DLGAP2: variants seen among roughly 807,000 people sequenced by gnomAD.
DLGAP2 encodes DLG associated protein 2, also known as disks large-associated protein 2.
DLGAP2 carries 26 observed loss-of-function variants against 100.3 expected under a neutral mutation model. That is an observed-to-expected ratio of 0.26 (90% CI 0.19 to 0.36). The LOEUF is 0.36. Among genes scored for constraint, DLGAP2 ranks in the 10% least tolerant of loss-of-function variants. DLGAP2 has a pLI of 1.00. For synonymous variants in DLGAP2, 886 were observed against 630.1 expected (o/e 1.41, Z -6.08); for missense variants, 1,858 against 1,453.2 (o/e 1.28, Z -4.53).
intron 2 of DLGAP2, among the ~76,000 whole-genome samples, chr8:1,164,959 C>G (rs1471733595): frequency 6.6e-6 from 1 of 151,962 alleles, no homozygotes; most frequent in Non-Finnish European, 1.5e-5. Context: ...CTGTAGAAAC[C>G]CAAATTATCT....
At chr8:1,684,459 G>C (rs1041770008) in intron 12 of DLGAP2, among the ~76,000 whole-genome samples, 3 of 151,998 alleles carry the variant, frequency 2.0e-5, no homozygotes, top group African/African-American at 7.3e-5. Flanking sequence ...TTAAAATAAA[G>C]ATTAAATTAA....
intron 2 of DLGAP2, among the ~76,000 whole-genome samples, chr8:1,224,930 G>A (rs777316087): frequency 3.3e-5 from 5 of 152,310 alleles, no homozygotes; most frequent in African/African-American, 4.8e-5. Flanking sequence ...AAAATTAATC[G>A]GAAGCAAAGT....
rs137980956 is a variant in DLGAP2 at position 1,553,076 on chromosome 8, G to C, written c.1230+3393G>C. Reference sequence around the variant, plus strand: ...TCCCAGGGACGTGCAGGGAGGGAGAGACGCCGCCTCCCCGGGAAGGCTCCT... The same window carrying C: ...TCCCAGGGACGTGCAGGGAGGGAGACACGCCGCCTCCCCGGGAAGGCTCCT... On this transcript the variant is annotated intron_variant, in intron 5 of 14. Coordinates refer to ENST00000637795, the MANE Select transcript of DLGAP2 (RefSeq NM_001346810.2). Among the ~76,000 whole-genome samples, 1,044 of 152,232 alleles carry C rather than the reference G, an allele frequency of 6.9e-3. 2 individuals carry two copies. The highest frequency in any genetic ancestry group is 0.012 in the Non-Finnish European group (795 of 68,006).
At chr8:1,637,748 C>T (rs1797802151) in intron 8 of DLGAP2, among the ~76,000 whole-genome samples, 1 of 152,234 alleles carries the variant, frequency 6.6e-6, no homozygotes, top group Admixed American at 6.5e-5. Context: ...GCACTGAAGT[C>T]CTGAGCATTG....
chr8:847,038 A>T (rs1040659848), intron 1 of DLGAP2, among the ~76,000 whole-genome samples: 10 of 152,210 alleles, frequency 6.6e-5, no homozygotes, highest in African/African-American at 2.4e-4. Flanking sequence ...ACTGTGGAAT[A>T]GTTTTTGTAC....
intron 3 of DLGAP2, among the ~76,000 whole-genome samples, chr8:1,322,527 A>C (rs1270239276): frequency 1.3e-5 from 2 of 151,624 alleles, no homozygotes; most frequent in East Asian, 3.9e-4. Flanking sequence ...GTGGAAATGC[A>C]TGCACCCACC....
chr8:1,333,576 C>T (rs1214154996), intron 3 of DLGAP2, among the ~76,000 whole-genome samples: 3 of 152,152 alleles, frequency 2.0e-5, no homozygotes, highest in Admixed American at 6.5e-5. Context: ...CCTCCATTGC[C>T]TGAGCACTGT....
At chr8:919,608 C>T (rs745472962) in intron 2 of DLGAP2, among the ~76,000 whole-genome samples, 26 of 152,188 alleles carry the variant, frequency 1.7e-4, no homozygotes, top group Non-Finnish European at 2.1e-4. Context: ...GGAGAGGCTG[C>T]GCCAGTACAG....
chr8:1,563,839 C>T (rs963712765), intron 5 of DLGAP2, among the ~76,000 whole-genome samples: 1 of 152,060 alleles, frequency 6.6e-6, no homozygotes, highest in Non-Finnish European at 1.5e-5. Context: ...GTAGTGCTGT[C>T]GATCGGCTCA....
At chr8:1,025,345 G>T (rs561609027) in intron 2 of DLGAP2, among the ~76,000 whole-genome samples, 7 of 152,206 alleles carry the variant, frequency 4.6e-5, no homozygotes, top group African/African-American at 1.7e-4. Context: ...TGTTCTCTTG[G>T]TCTCTGTCCA....
chr8:1,090,553 A>G (rs1314622240), intron 2 of DLGAP2, among the ~76,000 whole-genome samples: 2 of 152,232 alleles, frequency 1.3e-5, no homozygotes, highest in Non-Finnish European at 2.9e-5. Context: ...GGGAGGTTTG[A>G]GAATCCACAG....
intron 2 of DLGAP2, among the ~76,000 whole-genome samples, chr8:1,008,305 C>T (rs1801178891): frequency 6.6e-6 from 1 of 152,212 alleles, no homozygotes. Flanking sequence ...TAAAACATTT[C>T]AGCTTTGTTT....
chr8:1,603,137 G>A (rs999373819), intron 6 of DLGAP2, among the ~76,000 whole-genome samples: 1 of 152,014 alleles, frequency 6.6e-6, no homozygotes, highest in African/African-American at 2.4e-5. Flanking sequence ...TCCACAGGCT[G>A]GTTAGAGTGG....
intron 2 of DLGAP2, among the ~76,000 whole-genome samples, chr8:1,058,431 C>A (rs1382842321): frequency 2.6e-5 from 4 of 152,186 alleles, no homozygotes; most frequent in Non-Finnish European, 5.9e-5. Context: ...TTTGCATCGT[C>A]CAGTTCAATC....
At chr8:1,141,852 T>C (rs888802026) in intron 2 of DLGAP2, among the ~76,000 whole-genome samples, 1 of 152,210 alleles carries the variant, frequency 6.6e-6, no homozygotes, top group African/African-American at 2.4e-5. Flanking sequence ...GTTTAGATTT[T>C]AGATGCTTTC....
At chr8:1,267,615 AGAT>A (rs1799490315) in intron 3 of DLGAP2, among the ~76,000 whole-genome samples, 1 of 121,172 alleles carries the variant, frequency 8.3e-6, no homozygotes, top group Non-Finnish European at 1.6e-5. Flanking sequence ...AGATAAGATA[AGAT>A]AAGATAAATA....
At chr8:1,633,157 C>T (rs745363660) in intron 8 of DLGAP2, 111 bp downstream of exon 8, 59 of 1,019,938 alleles carry the variant, frequency 5.8e-5, no homozygotes, top group Non-Finnish European at 7.9e-5. Flanking sequence ...ACTCTCCTGA[C>T]ATCTAGTAAC....
chr8:1,214,901 T>C (rs953533345), intron 2 of DLGAP2, among the ~76,000 whole-genome samples: 1 of 152,250 alleles, frequency 6.6e-6, no homozygotes, highest in African/African-American at 2.4e-5. Context: ...CTGAAGTTAA[T>C]TGGGGCAGTT....
intron 2 of DLGAP2, among the ~76,000 whole-genome samples, chr8:1,198,181 A>G (rs1014023217): frequency 6.6e-5 from 10 of 151,974 alleles, no homozygotes; most frequent in Admixed American, 3.9e-4. Context: ...GTGCTGGGCT[A>G]TGCTGCGGCG....
Sources: gnomAD v4.1 joint callset for allele counts (sites outside exome capture counted in the v4.1 genomes callset) on GRCh38, gnomAD v4.1.1 for gene constraint, MANE v1.5 for transcripts, NCBI Gene and HGNC (gene_info 2026-07-23, HGNC 2026-07-21) for gene names.